ALG3: variants seen among roughly 807,000 people sequenced by gnomAD.
ALG3 encodes dol-P-Man:Man(5)GlcNAc(2)-PP-Dol alpha-1,3-mannosyltransferase.
A neutral mutation model predicts 50.5 loss-of-function variants in ALG3; 39 were observed. The observed-to-expected ratio is 0.77, with a 90% CI of 0.60 to 1.01. The LOEUF is 1.01. Among genes scored for constraint, ALG3 ranks in the 50% least tolerant of loss-of-function variants. The pLI, the probability that ALG3 is intolerant of heterozygous loss-of-function variation, is 0.00. For synonymous variants in ALG3, 252 were observed against 237.2 expected, an observed-to-expected ratio of 1.06 and a Z score of -0.58; for missense variants, 520 against 554.8, an observed-to-expected ratio of 0.94 and a Z score of 0.63.
Position 184,243,836 on chromosome 3 carries a change from G to A in ALG3, c.887C>T (p.Ala296Val). 2 of 1,614,036 alleles carry A rather than the reference G, an allele frequency of 1.2e-6. No individual in the cohort carries two copies. Among genetic ancestry groups the A allele is most frequent in the East Asian group, 2.2e-5 (1 of 44,888 alleles). The change falls in exon 6 of 9, where the codon GCC (alanine) becomes GTC (valine). Residue 296 changes from alanine (A) to valine (V), a missense_variant. Coordinates refer to ENST00000397676, the MANE Select transcript of ALG3 (RefSeq NM_005787.6). The stretch of plus-strand genomic sequence containing the variant: ...AAACAGCAGGAGCAGGGTGAGGTGG[G>A]CAGTCAACAGGGCCAGGTGGAAGGC... ...HRAFHLALLTAHLTLLLLFAL... is the reference protein window; with the variant it reads ...HRAFHLALLTVHLTLLLLFAL...
In ALG3 at chr3:184,242,793, C is replaced by G; in HGVS notation, c.1154+20G>C. The stretch of plus-strand genomic sequence containing the variant: ...AACTCCCTATCCCTTCCCACTCCCC[C>G]AGGTTGTCCCAGCTGGTACCTGAGC... On this transcript the variant is annotated intron_variant, in intron 8 of 8. Coordinates refer to ENST00000397676, the MANE Select transcript of ALG3 (RefSeq NM_005787.6). The G allele has an allele frequency of 6.2e-7, 1 of 1,613,138 alleles. No individual in the cohort carries two copies. Among genetic ancestry groups the G allele is most frequent in the South Asian group, 1.1e-5 (1 of 91,062 alleles).
At chr3:184,249,072 C>G, upstream of ALG3, 2 of 1,482,962 alleles carry the variant, frequency 1.3e-6, no homozygotes, top group Non-Finnish European at 1.8e-6. Flanking sequence ...TCATTTACTC[C>G]ACTAAAATGT....
Position 184,248,840 on chromosome 3 carries a change from A to G in ALG3, c.101T>C (p.Leu34Pro). The G allele has an allele frequency of 6.2e-7, 1 of 1,608,420 alleles. No individual in the cohort carries two copies. The highest frequency in any genetic ancestry group is 8.5e-7 in the Non-Finnish European group (1 of 1,177,644). Residue 34 changes from leucine to proline, a missense_variant, in exon 1 of 9, where the codon CTG (leucine) becomes CCG (proline). Coordinates refer to ENST00000397676, the MANE Select transcript of ALG3 (RefSeq NM_005787.6). ...CGTGTAGCGCGGCTCCCGCAGCAGC[A>G]GGCGCCGCTCTTGCCAGGCGCGCTG... is the stretch of plus-strand genomic sequence containing the variant. ...WLQRAWQERR[L>P]LLREPRYTLL...
chr3:184,246,575 G>A (rs1719161787), intron 1 of ALG3, among the ~76,000 whole-genome samples: 1 of 151,924 alleles, frequency 6.6e-6, no homozygotes, highest in African/African-American at 2.4e-5. Context: ...TTCATGATCT[G>A]GCCTCAGTTT....
At chr3:184,249,321 C>T (rs745807220), upstream of ALG3, 2 of 1,586,500 alleles carry the variant, frequency 1.3e-6, no homozygotes, top group African/African-American at 1.3e-5. Context: ...CCCCTGTTCG[C>T]GCCCCTCCTG....
rs769730332 is a variant in ALG3, at chr3:184,243,832, G to A, written c.891C>T (p.His297=). The A allele has an allele frequency of 5.6e-6, 9 of 1,613,878 alleles. No individual in the cohort carries two copies. Among genetic ancestry groups the A allele is most frequent in the African/African-American group, 4.0e-5 (3 of 74,938 alleles). The change falls in exon 6 of 9, where the codon CAC becomes CAT. Residue 297 remains histidine (H), a synonymous_variant. Coordinates refer to ENST00000397676, the MANE Select transcript of ALG3 (RefSeq NM_005787.6). ...RAFHLALLTA[H]LTLLLLFALC... The stretch of plus-strand genomic sequence containing the variant: ...GGGCAAACAGCAGGAGCAGGGTGAG[G>A]TGGGCAGTCAACAGGGCCAGGTGGA...
chr3:184,245,289 G>A lies in ALG3; in HGVS notation c.514C>T (p.Leu172Phe). Residue 172 changes from leucine (L) to phenylalanine (F), a missense_variant, in exon 4 of 9, where the codon CTC (leucine) becomes TTC (phenylalanine). Leu to Phe is a conservative substitution (Grantham distance 22). Around this residue, in one of 3 missense-constraint regions of ALG3, gnomAD observed 290 missense variants for 265.9 expected, o/e 1.09. Coordinates refer to ENST00000397676, the MANE Select transcript of ALG3 (RefSeq NM_005787.6). ...ACCATGGCCACTGGGTCATTGAAGAGCCGCAGCACAAAGATGGAGTGGACA... is the reference window on the plus strand; with the variant it reads ...ACCATGGCCACTGGGTCATTGAAGAACCGCAGCACAAAGATGGAGTGGACA... The part of the protein sequence containing the change: ...YRVHSIFVLR[L>F]FNDPVAMVLL... 1 of 1,613,686 alleles carries A rather than the reference G, an allele frequency of 6.2e-7. No individual in the cohort carries two copies. The highest frequency in any genetic ancestry group is 8.5e-7 in the Non-Finnish European group (1 of 1,179,780).
chr3:184,242,333 C>T lies in ALG3; in HGVS notation c.*181G>A. The stretch of plus-strand genomic sequence containing the variant: ...TGCAATAAAGTGCCTCTTAGGACTG[C>T]TTGAGTGAATTCTTTATCTGCTCCA... On this transcript the variant is annotated 3_prime_UTR_variant, in exon 9 of 9. Transcript: ENST00000397676. 1 of 848,778 alleles carries T rather than the reference C, an allele frequency of 1.2e-6. No individual in the cohort carries two copies. The highest frequency in any genetic ancestry group is 1.9e-6 in the Non-Finnish European group (1 of 517,050). 52.6% of individuals were successfully genotyped at this position (848,778 alleles called of 1,614,324 possible). A position where few individuals can be genotyped will look rare whatever the true frequency, so the allele number is the denominator to read the frequency against.
chr3:184,246,182 C>T (rs1449428926), intron 1 of ALG3, among the ~76,000 whole-genome samples: 1 of 152,220 alleles, frequency 6.6e-6, no homozygotes, highest in Non-Finnish European at 1.5e-5. Context: ...ATCTCTATCT[C>T]ATCCTTCTCT....
At position 184,244,092 on chromosome 3, in the gene ALG3, G is replaced by A. The variant is rs777715145; in HGVS notation, c.727-96C>T. 7.9e-5 allele frequency: 98 copies of A among 1,233,512 alleles called. No homozygotes were observed. In the Middle Eastern group the frequency reaches 1.4e-3, roughly 18 times the overall value. 76.4% of individuals were successfully genotyped at this position (1,233,512 alleles called of 1,614,324 possible). A position where few individuals can be genotyped will look rare whatever the true frequency, so the allele number is the denominator to read the frequency against. Reference sequence around the variant, plus strand: ...TGAGGGGTGTGGGACGGGGATGTAGGCCTCAGAGGTTCCCCAATTCCCACT... The same window carrying A: ...TGAGGGGTGTGGGACGGGGATGTAGACCTCAGAGGTTCCCCAATTCCCACT... On this transcript the variant is annotated intron_variant, in intron 5 of 8. Coordinates refer to ENST00000397676, the MANE Select transcript of ALG3 (RefSeq NM_005787.6).
At position 184,242,511 on chromosome 3, in the gene ALG3, A is replaced by G. The variant is rs1454072656; in HGVS notation, c.*3T>C. ...CTCAGGTCCTGAGGGAAAGGGGTGGACTTCAGTGGGCTTTCTTGCTGTGTT... is the reference window on the plus strand; with the variant it reads ...CTCAGGTCCTGAGGGAAAGGGGTGGGCTTCAGTGGGCTTTCTTGCTGTGTT... On this transcript the variant is annotated 3_prime_UTR_variant, in exon 9 of 9. Coordinates refer to ENST00000397676, the MANE Select transcript of ALG3 (RefSeq NM_005787.6). 1 of 1,612,384 alleles carries G rather than the reference A, an allele frequency of 6.2e-7. No homozygotes were observed. Among genetic ancestry groups the G allele is most frequent in the Admixed American group, 1.7e-5 (1 of 59,728 alleles).
chr3:184,243,282 C>T (rs910740645), intron 7 of ALG3: 86 of 570,354 alleles, frequency 1.5e-4, no homozygotes, highest in African/African-American at 1.2e-3. Context: ...CTCCCTGTCT[C>T]GGGGTCTCTT....
chr3:184,249,291 G>A (rs1577110563), upstream of ALG3: 1 of 1,608,258 alleles, frequency 6.2e-7, no homozygotes, highest in Non-Finnish European at 8.5e-7. Context: ...TGTTCATGCT[G>A]TCTCTCCAGG....
rs1193420042 is a variant in ALG3 at position 184,243,782 on chromosome 3, T to A, written c.932+9A>T. On this transcript the variant is annotated intron_variant, in intron 6 of 8. Coordinates refer to ENST00000397676, the MANE Select transcript of ALG3 (RefSeq NM_005787.6). The stretch of plus-strand genomic sequence containing the variant: ...CAACTCTGCCCATGGCACTACTGCC[T>A]TTTCTCACCTGTGCCACCTGCAGAG... The A allele has an allele frequency of 6.2e-7, 1 of 1,610,870 alleles. No individual in the cohort carries two copies. The highest frequency in any genetic ancestry group is 1.3e-5 in the African/African-American group (1 of 74,850).
intron 5 of ALG3, 114 bp from the exon 6 acceptor site, chr3:184,244,110 T>G: frequency 1.9e-6 from 2 of 1,052,048 alleles, no homozygotes; most frequent in Non-Finnish European, 2.8e-6. Context: ...GGTTCCCCAA[T>G]TCCCACTAGA....
chr3:184,249,314 C>T, upstream of ALG3: 1 of 1,594,782 alleles, frequency 6.3e-7, no homozygotes, highest in South Asian at 1.1e-5. Flanking sequence ...GGCAAAGCCC[C>T]TGTTCGCGCC....
intron 3 of ALG3, 52 bp from the exon 4 acceptor site, chr3:184,245,410 TC>T (rs910076826): frequency 6.2e-6 from 10 of 1,613,264 alleles, no homozygotes; most frequent in Non-Finnish European, 8.5e-6. Flanking sequence ...GCCTGAGCCA[TC>T]CCCACCACCC....
chr3:184,242,673 C>T lies in ALG3; in HGVS notation c.1158G>A (p.Leu386=). The T allele has an allele frequency of 6.4e-7, 1 of 1,559,438 alleles. No homozygotes were observed. Among genetic ancestry groups the T allele is most frequent in the Non-Finnish European group, 8.7e-7 (1 of 1,149,730 alleles). ...PARWLTHLLR[L]LVLGLIELSW... is the part of the protein sequence containing the mutation. ...AGAGCTCGATGAGCCCCAGCACCAACAACCTGGAGATGAGAAACAGGTTCC... is the reference window on the plus strand; with the variant it reads ...AGAGCTCGATGAGCCCCAGCACCAATAACCTGGAGATGAGAAACAGGTTCC... The change falls in exon 9 of 9, where the codon TTG becomes TTA. Residue 386 remains leucine, a synonymous_variant. Transcript: ENST00000397676.
chr3:184,243,570 CT>C lies in ALG3; in HGVS notation c.992del (p.Gln331ArgfsTer137). 1 of 1,613,920 alleles carries C rather than the reference CT, an allele frequency of 6.2e-7. No individual in the cohort carries two copies. Among genetic ancestry groups the C allele is most frequent in the Non-Finnish European group, 8.5e-7 (1 of 1,179,866 alleles). The part of the protein sequence containing the change: ...RDPSKRKVPP[Q>X]PLTPNQIVST... ...AAAGGATATGGTTGGGTGTAAGGGG[CT>C]GGGGTGGAACCTTCCTTTTGGAGGG... On this transcript the variant is annotated frameshift_variant, in exon 7 of 9. Coordinates refer to ENST00000397676, the MANE Select transcript of ALG3 (RefSeq NM_005787.6). LOFTEE classifies it high-confidence loss of function.
Sources: allele counts gnomAD v4.1 joint callset (sites outside exome capture counted in the v4.1 genomes callset), GRCh38; gene constraint gnomAD v4.1.1; regional missense constraint gnomAD v4.1.1; transcripts MANE v1.5; gene names NCBI Gene and HGNC (gene_info 2026-07-23, HGNC 2026-07-21).